IRAG2: variants seen among roughly 807,000 people sequenced by gnomAD.
IRAG2 encodes the protein lymphoid restricted membrane protein.
IRAG2 carries 45 observed loss-of-function variants against 69.9 expected under a neutral mutation model. The ratio of observed to expected loss-of-function variants is 0.64; its 90% confidence interval spans 0.51 to 0.83. IRAG2 has a LOEUF of 0.83. Ranked by LOEUF, IRAG2 falls within the 40% of genes least tolerant of loss-of-function variation. IRAG2 has a pLI of 0.00. For synonymous variants in IRAG2, 193 were observed against 202.4 expected, an observed-to-expected ratio of 0.95 and a Z score of 0.40; for missense variants, 520 against 587.0, an observed-to-expected ratio of 0.89 and a Z score of 1.18.
chr12:25,003,340 T>C (rs1024496821), upstream of IRAG2, among the ~76,000 whole-genome samples: 1 of 152,146 alleles, frequency 6.6e-6, no homozygotes, highest in Non-Finnish European at 1.5e-5. Flanking sequence ...TTAAAAAATA[T>C]CTGTCTAATC....
chr12:25,085,601 A>T (rs143517840), intron 10 of IRAG2, among the ~76,000 whole-genome samples: 6 of 152,324 alleles, frequency 3.9e-5, no homozygotes, highest in African/African-American at 1.4e-4. Context: ...ATGGTAGGCC[A>T]GAGTGGTCTT....
intron 15 of IRAG2, among the ~76,000 whole-genome samples, chr12:25,098,863 C>T (rs1948584874): frequency 6.6e-6 from 1 of 152,142 alleles, no homozygotes; most frequent in Admixed American, 6.5e-5. Flanking sequence ...TTTCCAAGGT[C>T]ACTAGTGACC....
chr12:25,029,513 T>C (rs1225558853), intron 9 of IRAG2, among the ~76,000 whole-genome samples: 1 of 152,240 alleles, frequency 6.6e-6, no homozygotes, highest in Non-Finnish European at 1.5e-5. Flanking sequence ...CCATGATGAT[T>C]ATTTTTCCAG....
intron 10 of IRAG2, among the ~76,000 whole-genome samples, chr12:25,086,569 T>C (rs984669188): frequency 6.6e-6 from 1 of 152,144 alleles, no homozygotes; most frequent in Non-Finnish European, 1.5e-5. Flanking sequence ...TCCCAAGGAC[T>C]GTGGCAGGAA....
At chr12:25,042,922 T>G (rs1397785662) in intron 16 of IRAG2, among the ~76,000 whole-genome samples, 1 of 151,810 alleles carries the variant, frequency 6.6e-6, no homozygotes, top group African/African-American at 2.4e-5. Flanking sequence ...TTGCTTTCTC[T>G]TGGAAGATAA....
At chr12:25,076,534 T>C in intron 6 of IRAG2, 1 of 984,908 alleles carries the variant, frequency 1.0e-6, no homozygotes, top group Non-Finnish European at 1.2e-6. Flanking sequence ...TTTGCAGAAA[T>C]GATGTACTCT....
intron 13 of IRAG2, 81 bp from the exon 14 acceptor site, chr12:25,089,976 A>G: frequency 1.4e-6 from 2 of 1,438,916 alleles, no homozygotes; most frequent in Non-Finnish European, 1.9e-6. Flanking sequence ...ATGCCTCAGT[A>G]TAAAACAGTA....
upstream of IRAG2, among the ~76,000 whole-genome samples, chr12:25,051,053 A>G (rs1212937210): frequency 1.3e-5 from 2 of 152,232 alleles, no homozygotes; most frequent in African/African-American, 2.4e-5. Flanking sequence ...TCTGCTGTAC[A>G]ACATTATGCC....
At chr12:25,063,498 A>G (rs1380310932) in intron 3 of IRAG2, among the ~76,000 whole-genome samples, 1 of 152,220 alleles carries the variant, frequency 6.6e-6, no homozygotes, top group Non-Finnish European at 1.5e-5. Context: ...AGATTACTAA[A>G]TTGTGACTTT....
At chr12:25,001,463 T>C (rs1476426385), upstream of IRAG2, among the ~76,000 whole-genome samples, 2 of 150,948 alleles carry the variant, frequency 1.3e-5, no homozygotes, top group Non-Finnish European at 3.0e-5. Flanking sequence ...AATAAACAAA[T>C]GAAAACAGAT....
At position 25,004,578 on chromosome 12, in the gene IRAG2, T is replaced by C; in HGVS notation, c.237T>C (p.Ser79=). ...CGCCCGGCTCTCATTGGTCAAGTTC[T>C]GAGGAAGTCGATGCCTTCATTTCAT... The change falls in exon 1 of 39, where the codon TCT becomes TCC. Residue 79 remains serine, a synonymous_variant. Transcript: ENST00000636465. 7.3e-6 allele frequency: 9 copies of C among 1,232,144 alleles called. No homozygotes were observed. The South Asian group carries it at 3.3e-4, about 45-fold the overall frequency. 76.3% of individuals were successfully genotyped at this position (1,232,144 alleles called of 1,614,324 possible).
rs532390906 is a variant in IRAG2, at chr12:25,079,705, C to T, written c.186C>T (p.Asn62=). 3.0e-5 allele frequency: 48 copies of T among 1,614,016 alleles called. No individual in the cohort carries two copies. In the South Asian group the frequency reaches 4.3e-4, roughly 14 times the overall value. Residue 62 remains asparagine (N), a synonymous_variant, in exon 9 of 22, where the codon AAC becomes AAT. Transcript: ENST00000556887. The part of the protein sequence containing the change: ...LNMASCDLDR[N]SLCKKEEDTR... ...TGGCTTCTTGTGACCTTGACAGAAA[C>T]TCGCTCTGTAAGAAAGAGGAGGATA...
intron 16 of IRAG2, among the ~76,000 whole-genome samples, chr12:25,044,701 A>C (rs1049388729): frequency 1.3e-5 from 2 of 152,004 alleles, no homozygotes; most frequent in Non-Finnish European, 2.9e-5. Flanking sequence ...TAAAAGGATC[A>C]ACTCACCAAG....
intron 10 of IRAG2, among the ~76,000 whole-genome samples, chr12:25,031,845 A>G (rs1339727168): frequency 6.6e-6 from 1 of 152,122 alleles, no homozygotes; most frequent in Non-Finnish European, 1.5e-5. Context: ...CGTTTTTAGT[A>G]GAGACAGGGT....
At position 25,059,543 on chromosome 12, in the gene IRAG2, A is replaced by C. The variant is rs868542458; in HGVS notation, c.-446-2049A>C. 8.4e-4 allele frequency among the ~76,000 whole-genome samples: 128 copies of C among 152,146 alleles called. 1 individual carries two copies. Among genetic ancestry groups the C allele is most frequent in the African/African-American group, 2.9e-3 (121 of 41,504 alleles). ...ATTTTTTTGTATTTTTAGTAGAGAC[A>C]AGGTTTCACCATGTTGTTCAGGCTG... On this transcript the variant is annotated intron_variant, in intron 1 of 21. Coordinates refer to ENST00000556887, the MANE Select transcript of IRAG2 (RefSeq NM_001366544.2).
At chr12:25,035,043 T>C (rs1944692897) in intron 13 of IRAG2, among the ~76,000 whole-genome samples, 1 of 152,202 alleles carries the variant, frequency 6.6e-6, no homozygotes, top group African/African-American at 2.4e-5. Context: ...GAAAGTTCTA[T>C]AGTTCTAAAC....
chr12:25,029,598 G>T (rs946726274), intron 9 of IRAG2, among the ~76,000 whole-genome samples: 2 of 151,708 alleles, frequency 1.3e-5, no homozygotes, highest in African/African-American at 4.8e-5. Flanking sequence ...GCTTGCTTTT[G>T]ATTTGAATAA....
intron 6 of IRAG2, chr12:25,076,508 C>G (rs1258330249): frequency 1.0e-6 from 1 of 984,836 alleles, no homozygotes; most frequent in Admixed American, 6.2e-5. Context: ...ACTAATTAGA[C>G]CTTTTTTTGA....
chr12:25,010,558 ATGT>A (rs1224344581), intron 2 of IRAG2, among the ~76,000 whole-genome samples: 10 of 152,216 alleles, frequency 6.6e-5, no homozygotes, highest in African/African-American at 2.4e-4. Flanking sequence ...TCTAAATGAC[ATGT>A]TAAGTTTAAA....
Sources: gnomAD v4.1 joint callset for allele counts (sites outside exome capture counted in the v4.1 genomes callset) on GRCh38, gnomAD v4.1.1 for gene constraint, MANE v1.5 for transcripts, NCBI Gene and HGNC (gene_info 2026-07-23, HGNC 2026-07-21) for gene names.